SEMA5A: variants seen among roughly 807,000 people sequenced by gnomAD.
The protein encoded by SEMA5A is semaphorin-5A.
In SEMA5A, 55 loss-of-function variants were observed where a neutral mutation model predicts 135.5. That is an observed-to-expected ratio of 0.41 (90% CI 0.33 to 0.51). SEMA5A has a LOEUF of 0.51. Ranked by LOEUF, SEMA5A falls within the 20% of genes least tolerant of loss-of-function variation. SEMA5A has a pLI of 0.37. For synonymous variants in SEMA5A, 580 were observed against 546.5 expected (o/e 1.06, Z -0.85); for missense variants, 1,290 against 1,419.9 (o/e 0.91, Z 1.47).
At chr5:9,131,535 G>A (rs1376814635) in intron 13 of SEMA5A, among the ~76,000 whole-genome samples, 1 of 143,900 alleles carries the variant, frequency 6.9e-6, no homozygotes, top group Non-Finnish European at 1.5e-5. Context: ...ATGAACCCAG[G>A]AGGTGGAAGC....
intron 1 of SEMA5A, among the ~76,000 whole-genome samples, chr5:9,483,224 T>C (rs1759943272): frequency 6.6e-6 from 1 of 152,154 alleles, no homozygotes; most frequent in Non-Finnish European, 1.5e-5. Flanking sequence ...TGGGGCTGTC[T>C]CCAACCCTTT....
At chr5:9,188,475 T>C (rs1156250143) in intron 11 of SEMA5A, among the ~76,000 whole-genome samples, 1 of 152,072 alleles carries the variant, frequency 6.6e-6, no homozygotes, top group Non-Finnish European at 1.5e-5. Flanking sequence ...GGGGAGTACG[T>C]CCAAAGGCTC....
chr5:9,538,107 C>T (rs1413793456), intron 1 of SEMA5A, among the ~76,000 whole-genome samples: 2 of 152,196 alleles, frequency 1.3e-5, no homozygotes, highest in African/African-American at 2.4e-5. Context: ...GCTAAAGACA[C>T]TCACTTCTAC....
chr5:9,467,141 C>G (rs563785951), intron 1 of SEMA5A, among the ~76,000 whole-genome samples: 52 of 152,050 alleles, frequency 3.4e-4, no homozygotes, highest in African/African-American at 1.2e-3. Flanking sequence ...GAGACGGAGT[C>G]TCGCTCTGTT....
chr5:9,287,438 T>C (rs1184752829), intron 5 of SEMA5A, among the ~76,000 whole-genome samples: 1 of 152,192 alleles, frequency 6.6e-6, no homozygotes, highest in Non-Finnish European at 1.5e-5. Flanking sequence ...CAATTATTTT[T>C]AGAGGAACGT....
At chr5:9,141,137 A>G (rs1360294480) in intron 12 of SEMA5A, among the ~76,000 whole-genome samples, 1 of 152,214 alleles carries the variant, frequency 6.6e-6, no homozygotes, top group African/African-American at 2.4e-5. Context: ...ATTTTACACC[A>G]TGGGCAAAAT....
intron 16 of SEMA5A, among the ~76,000 whole-genome samples, chr5:9,083,043 G>C (rs1738475647): frequency 6.6e-6 from 1 of 152,174 alleles, no homozygotes; most frequent in African/African-American, 2.4e-5. Context: ...AAGTAGTTAA[G>C]ATTTACTGCT....
At chr5:9,320,004 A>G (rs1283243490) in intron 4 of SEMA5A, among the ~76,000 whole-genome samples, 1 of 152,160 alleles carries the variant, frequency 6.6e-6, no homozygotes, top group African/African-American at 2.4e-5. Flanking sequence ...AAGCACATGT[A>G]CACACACAGC....
At position 9,037,057 on chromosome 5, in the gene SEMA5A, A is replaced by G. The variant is rs1040896332; in HGVS notation, c.*5840T>C. 2.6e-5 allele frequency: 4 copies of G among 152,246 alleles called. No homozygotes were observed. The highest frequency in any genetic ancestry group is 9.6e-5 in the African/African-American group (4 of 41,460). 9.4% of individuals were successfully genotyped at this position (152,246 alleles called of 1,614,324 possible). A position where few individuals can be genotyped will look rare whatever the true frequency, so the allele number is the denominator to read the frequency against. On this transcript the variant is annotated 3_prime_UTR_variant, in exon 23 of 23. Coordinates refer to ENST00000382496, the MANE Select transcript of SEMA5A (RefSeq NM_003966.3). Reference sequence around the variant, plus strand: ...CAAAAGGCTGAGAAAGAACAAGATCACATTTCAACTACTGGCCCCAGATTT... The same window carrying G: ...CAAAAGGCTGAGAAAGAACAAGATCGCATTTCAACTACTGGCCCCAGATTT...
chr5:9,482,107 G>A (rs1759899964), intron 1 of SEMA5A, among the ~76,000 whole-genome samples: 1 of 152,124 alleles, frequency 6.6e-6, no homozygotes, highest in Non-Finnish European at 1.5e-5. Context: ...CATTTAATGT[G>A]ATCGCAGTTG....
chr5:9,204,152 C>G lies in SEMA5A; in HGVS notation c.647-1912G>C, dbSNP rs1745880663. The stretch of plus-strand genomic sequence containing the variant: ...AATTATTTTGGAATGGGTCCTGCAC[C>G]CTGGCTAAACAAAACTAGAGTTTGG... On this transcript the variant is annotated intron_variant, in intron 8 of 22. Coordinates refer to ENST00000382496, the MANE Select transcript of SEMA5A (RefSeq NM_003966.3). The surrounding 1 kb of genome is among the most constrained non-coding windows in gnomAD (Gnocchi z 6.4). Among the ~76,000 whole-genome samples the G allele has an allele frequency of 1.3e-5, 2 of 152,022 alleles. No homozygotes were observed. Among genetic ancestry groups the G allele is most frequent in the Admixed American group, 6.6e-5 (1 of 15,264 alleles).
In SEMA5A at chr5:9,142,513, C is replaced by T. The variant is rs932994211; in HGVS notation, c.1482-5892G>A. Among the ~76,000 whole-genome samples the T allele has an allele frequency of 2.0e-5, 3 of 152,316 alleles. No homozygotes were observed. The South Asian group carries it at 6.2e-4, about 32-fold the overall frequency. On this transcript the variant is annotated intron_variant, in intron 12 of 22. Coordinates refer to ENST00000382496, the MANE Select transcript of SEMA5A (RefSeq NM_003966.3). ...TACTGTGCAAGAGCCACACTTCAAA[C>T]ATCAATATTAACTTCTATTATCATT...
At chr5:9,111,625 C>CT (rs1740245381) in intron 15 of SEMA5A, among the ~76,000 whole-genome samples, 1 of 152,140 alleles carries the variant, frequency 6.6e-6, no homozygotes, top group Non-Finnish European at 1.5e-5. Context: ...CAAGCCACAC[C>CT]AGGATCTGCT....
At chr5:9,319,037 C>T (rs1023968174) in intron 4 of SEMA5A, among the ~76,000 whole-genome samples, 1 of 151,982 alleles carries the variant, frequency 6.6e-6, no homozygotes, top group Non-Finnish European at 1.5e-5. Context: ...AAATCTGTCT[C>T]TACAAAAAAT....
In SEMA5A at chr5:9,400,673, A is replaced by C. The variant is rs1286266627; in HGVS notation, c.-77-20650T>G. On this transcript the variant is annotated intron_variant, in intron 2 of 22. Coordinates refer to ENST00000382496, the MANE Select transcript of SEMA5A (RefSeq NM_003966.3). Reference sequence around the variant, plus strand: ...AGGCGCCCGCCACTACGCCCGGCTAATTTTTTGTATTTTTAGTAGAGACGG... The same window carrying C: ...AGGCGCCCGCCACTACGCCCGGCTACTTTTTTGTATTTTTAGTAGAGACGG... Among the ~76,000 whole-genome samples, 7 of 61,342 alleles carry C rather than the reference A, an allele frequency of 1.1e-4. 2 individuals carry two copies. 40.2% of individuals were successfully genotyped at this position (61,342 alleles called of 152,430 possible).
chr5:9,489,822 T>C (rs1022859700), intron 1 of SEMA5A, among the ~76,000 whole-genome samples: 2 of 152,178 alleles, frequency 1.3e-5, no homozygotes, highest in Non-Finnish European at 2.9e-5. Flanking sequence ...GAGTATCTGC[T>C]TTAAGTACAC....
chr5:9,522,152 GAAAGGATGTTGAC>G (rs1561319326), intron 1 of SEMA5A, among the ~76,000 whole-genome samples: 2 of 152,160 alleles, frequency 1.3e-5, no homozygotes, highest in Admixed American at 6.5e-5. Flanking sequence ...CATGACTCAA[GAAAGGATGTTGAC>G]AACTTCCATG....
chr5:9,075,293 T>C (rs575585388), intron 16 of SEMA5A, among the ~76,000 whole-genome samples: 11 of 152,284 alleles, frequency 7.2e-5, no homozygotes, highest in Non-Finnish European at 1.6e-4. Flanking sequence ...AACGTATACA[T>C]ATCACATAGC....
intron 1 of SEMA5A, among the ~76,000 whole-genome samples, chr5:9,536,232 C>T (rs908253281): frequency 2.6e-5 from 4 of 151,846 alleles, no homozygotes; most frequent in East Asian, 1.9e-4. Flanking sequence ...AACCAGAGGA[C>T]GACAATCATA....
Sources: allele counts gnomAD v4.1 joint callset (sites outside exome capture counted in the v4.1 genomes callset), GRCh38; gene constraint gnomAD v4.1.1; non-coding constraint Gnocchi (gnomAD v3.1); transcripts MANE v1.5; gene names NCBI Gene and HGNC (gene_info 2026-07-23, HGNC 2026-07-21).